The following CCL28 variants were observed in gnomAD, a reference collection of about 807,000 sequenced individuals.
The protein encoded by CCL28 is C-C motif chemokine ligand 28, also known as C-C motif chemokine 28.
CCL28 carries 4 observed loss-of-function variants against 7.1 expected under a neutral mutation model. That is an observed-to-expected ratio of 0.56 (90% CI 0.28 to 1.29). CCL28 has a LOEUF of 1.29. CCL28 is among the 50% of genes most tolerant of loss of function. The pLI, the probability that CCL28 is intolerant of heterozygous loss-of-function variation, is 0.11. For missense variants in CCL28, 151 were observed against 163.4 expected, an observed-to-expected ratio of 0.92 and a Z score of 0.41; for synonymous variants, 55 against 57.8, an observed-to-expected ratio of 0.95 and a Z score of 0.22.
At chr5:43,368,071 G>C in the CCL28 span, among the ~76,000 whole-genome samples, 1 of 152,108 alleles carries the variant, frequency 6.6e-6, no homozygotes, top group Non-Finnish European at 1.5e-5. Context: ...TGGATTCCAG[G>C]CTCCACCACT....
chr5:43,391,638 A>T (rs1036135098), intron 1 of CCL28, among the ~76,000 whole-genome samples: 1 of 152,194 alleles, frequency 6.6e-6, no homozygotes, highest in Non-Finnish European at 1.5e-5. Flanking sequence ...CTTCAGTCTT[A>T]TTTTTAAGTA....
intron 2 of CCL28, among the ~76,000 whole-genome samples, chr5:43,385,347 T>A (rs1344959809): frequency 6.6e-6 from 1 of 152,234 alleles, no homozygotes; most frequent in East Asian, 1.9e-4. Flanking sequence ...TAGGACCTAT[T>A]TCTAGGCAGA....
chr5:43,408,504 G>A (rs111867239), intron 1 of CCL28, among the ~76,000 whole-genome samples: 5,443 of 152,250 alleles, frequency 0.036, 261 homozygotes, highest in African/African-American at 0.11. Context: ...TGGGGGGAGC[G>A]GGGAGGGATA....
chr5:43,395,855 CTT>C (rs35785846), intron 1 of CCL28, among the ~76,000 whole-genome samples: 675 of 94,152 alleles, frequency 7.2e-3, no homozygotes, highest in Middle Eastern at 0.024. Flanking sequence ...TACCCCCCGC[CTT>C]TTTTTTTTTT....
the CCL28 span, among the ~76,000 whole-genome samples, chr5:43,369,906 A>G: frequency 2.0e-5 from 3 of 152,222 alleles, no homozygotes; most frequent in Admixed American, 6.5e-5. Context: ...ACCCTGAGTC[A>G]CCATGAAAAA....
At chr5:43,389,031 G>C (rs1416898561) in intron 1 of CCL28, among the ~76,000 whole-genome samples, 2 of 152,186 alleles carry the variant, frequency 1.3e-5, no homozygotes, top group Non-Finnish European at 2.9e-5. Flanking sequence ...AGGCCATACT[G>C]TATGATTCCC....
intron 1 of CCL28, among the ~76,000 whole-genome samples, chr5:43,395,623 C>T (rs1740764721): frequency 6.6e-6 from 1 of 152,068 alleles, no homozygotes; most frequent in African/African-American, 2.4e-5. Flanking sequence ...CATTGCGTTA[C>T]AGGAAAGGGG....
chr5:43,394,619 C>A (rs1740725846), intron 1 of CCL28, among the ~76,000 whole-genome samples: 1 of 152,028 alleles, frequency 6.6e-6, no homozygotes, highest in African/African-American at 2.4e-5. Context: ...TATAAGAATT[C>A]TATTGATTAT....
chr5:43,358,148 C>T, the CCL28 span, among the ~76,000 whole-genome samples: 22 of 152,316 alleles, frequency 1.4e-4, no homozygotes, highest in African/African-American at 3.8e-4. Flanking sequence ...ACTTCCACAG[C>T]GTGGCTGAGG....
At chr5:43,396,138 G>T (rs559911682) in intron 1 of CCL28, among the ~76,000 whole-genome samples, 2 of 152,222 alleles carry the variant, frequency 1.3e-5, no homozygotes, top group Admixed American at 6.5e-5. Context: ...CCAAAGTGCT[G>T]GGATTACAGG....
intron 1 of CCL28, among the ~76,000 whole-genome samples, chr5:43,392,954 A>T (rs1264190961): frequency 1.3e-5 from 2 of 152,182 alleles, no homozygotes; most frequent in Non-Finnish European, 2.9e-5. Context: ...TGTCTTATTT[A>T]GCAAATCCTC....
the CCL28 span, among the ~76,000 whole-genome samples, chr5:43,363,192 G>T: frequency 6.6e-6 from 1 of 152,118 alleles, no homozygotes; most frequent in Non-Finnish European, 1.5e-5. Flanking sequence ...CTACCAGCAT[G>T]GTTGCTATGG....
downstream of CCL28, among the ~76,000 whole-genome samples, chr5:43,376,012 G>A (rs1739882235): frequency 6.6e-6 from 1 of 152,228 alleles, no homozygotes; most frequent in Non-Finnish European, 1.5e-5. Context: ...TCCAGCCTGG[G>A]CAACAAGAGC....
the CCL28 span, among the ~76,000 whole-genome samples, chr5:43,366,424 T>C: frequency 6.6e-6 from 1 of 152,240 alleles, no homozygotes; most frequent in East Asian, 1.9e-4. Context: ...GTCAGGCTCC[T>C]CTTCTGTAGG....
rs761914383 is a variant in CCL28, at chr5:43,412,375, G to T, written c.-59C>A. 36 of 1,495,000 alleles carry T rather than the reference G, an allele frequency of 2.4e-5. No homozygotes were observed. The highest frequency in any genetic ancestry group is 3.2e-5 in the Non-Finnish European group (35 of 1,083,536). The allele number at this position is 1,495,000 out of a possible 1,614,324, so 92.6% of individuals were successfully genotyped here. ...AAGTGAGGCTGTTCGATCAGGAAAT[G>T]AGGCTAAAGGTGTCCTTGGGCACAG... is the stretch of plus-strand genomic sequence containing the variant. On this transcript the variant is annotated 5_prime_UTR_variant, in exon 1 of 3. Coordinates refer to ENST00000361115, the MANE Select transcript of CCL28 (RefSeq NM_148672.3).
the CCL28 span, among the ~76,000 whole-genome samples, chr5:43,369,038 G>A: frequency 0.049 from 67 of 1,372 alleles, no homozygotes; most frequent in South Asian, 0.16. Flanking sequence ...AAGAGAGAAA[G>A]AGAGAGAGAG....
At chr5:43,357,685 G>T in the CCL28 span, among the ~76,000 whole-genome samples, 1 of 151,848 alleles carries the variant, frequency 6.6e-6, no homozygotes, top group African/African-American at 2.4e-5. Context: ...GAAAGAAAGG[G>T]GGGGAAAAAA....
chr5:43,376,335 G>A (rs1739887355), downstream of CCL28, among the ~76,000 whole-genome samples: 1 of 152,144 alleles, frequency 6.6e-6, no homozygotes, highest in Non-Finnish European at 1.5e-5. Context: ...AATATCTTCA[G>A]ACATTTTTGG....
At chr5:43,395,745 G>T (rs1161246361) in intron 1 of CCL28, among the ~76,000 whole-genome samples, 1 of 151,744 alleles carries the variant, frequency 6.6e-6, no homozygotes, top group Non-Finnish European at 1.5e-5. Context: ...AGGAATAAAA[G>T]AATGGCTACT....
Sources: allele counts gnomAD v4.1 joint callset (sites outside exome capture counted in the v4.1 genomes callset), GRCh38; gene constraint gnomAD v4.1.1; transcripts MANE v1.5; gene names NCBI Gene and HGNC (gene_info 2026-07-23, HGNC 2026-07-21).